The following ADH6 variants were observed in gnomAD, a reference collection of about 807,000 sequenced individuals.
ADH6 encodes alcohol dehydrogenase 6 (class V), also known as alcohol dehydrogenase 6.
In ADH6, 34 loss-of-function variants were observed where a neutral mutation model predicts 36.5. The ratio of observed to expected loss-of-function variants is 0.93; its 90% CI spans 0.71 to 1.24. The LOEUF is 1.24. ADH6 is among the 50% of genes most tolerant of loss of function. The probability of loss-of-function intolerance (pLI) is 0.00; values close to 1 mark genes in which losing one functional copy is unlikely to be tolerated. For synonymous variants in ADH6, 161 were observed against 155.5 expected, an observed-to-expected ratio of 1.04 and a Z score of -0.26; for missense variants, 440 against 447.0, an observed-to-expected ratio of 0.98 and a Z score of 0.14.
intron 3 of ADH6, among the ~76,000 whole-genome samples, chr4:99,213,290 C>T (rs1255303585): frequency 1.3e-5 from 2 of 151,984 alleles, no homozygotes; most frequent in Non-Finnish European, 2.9e-5. Context: ...TATCATATGC[C>T]TCATTTAAAT....
In ADH6 at chr4:99,202,693, A is replaced by G. The variant is rs1408097895; in HGVS notation, c.*1526T>C. 2.5e-6 allele frequency: 1 copy of G among 397,942 alleles called. No individual in the cohort carries two copies. Among genetic ancestry groups the G allele is most frequent in the Non-Finnish European group, 4.4e-6 (1 of 225,634 alleles). 24.7% of individuals were successfully genotyped at this position (397,942 alleles called of 1,614,324 possible). On this transcript the variant is annotated 3_prime_UTR_variant, in exon 9 of 9. Transcript: ENST00000394899. Reference sequence around the variant, plus strand: ...AAAGAGTGTGGACACTGTTTACAACAAAACGTTTCCGGGAAAACTTGGATT... The same window carrying G: ...AAAGAGTGTGGACACTGTTTACAACGAAACGTTTCCGGGAAAACTTGGATT...
chr4:99,205,109 A>G, intron 7 of ADH6, 46 bp from the exon 8 acceptor site: 2 of 1,518,782 alleles, frequency 1.3e-6, no homozygotes, highest in Non-Finnish European at 1.8e-6. Flanking sequence ...AGGCTTCATT[A>G]TAAAGGAAAG....
chr4:99,218,795 G>A (rs750778917), intron 1 of ADH6, among the ~76,000 whole-genome samples: 4 of 152,096 alleles, frequency 2.6e-5, no homozygotes, highest in Non-Finnish European at 4.4e-5. Context: ...TTTCCTTGAG[G>A]CTCCCATTCT....
In ADH6 at chr4:99,204,970, A is replaced by G. The variant is rs765597001; in HGVS notation, c.1058T>C (p.Leu353Pro). Residue 353 changes from leucine (L) to proline (P), a missense_variant, in exon 8 of 9, where the codon CTT becomes CCT. Transcript: ENST00000394899. ...TTCAACTGCTTCATTGATTTTATCA[A>G]GATTCAGAGTATGAGTAATTAGTGG... is the stretch of plus-strand genomic sequence containing the variant. ...LDPLITHTLN[L>P]DKINEAVELM... The G allele has an allele frequency of 1.2e-6, 2 of 1,609,748 alleles. No individual in the cohort carries two copies. Among genetic ancestry groups the G allele is most frequent in the South Asian group, 1.1e-5 (1 of 90,276 alleles).
chr4:99,210,007 A>G, intron 5 of ADH6, 75 bp downstream of exon 5: 2 of 1,460,698 alleles, frequency 1.4e-6, no homozygotes, highest in Middle Eastern at 1.7e-4. Flanking sequence ...ATGATAAGAG[A>G]TGACAAAGAT....
chr4:99,207,046 T>C (rs182676363), intron 7 of ADH6, among the ~76,000 whole-genome samples: 24 of 152,236 alleles, frequency 1.6e-4, no homozygotes, highest in Admixed American at 1.2e-3. Context: ...ACTCATTTGT[T>C]TGGGATAAGA....
At chr4:99,208,620 G>T in intron 6 of ADH6, 48 bp downstream of exon 6, 1 of 1,552,476 alleles carries the variant, frequency 6.4e-7, no homozygotes, top group African/African-American at 1.4e-5. Context: ...TAATCTAAAC[G>T]ATGACTGGTA....
intron 2 of ADH6, 108 bp downstream of exon 2, chr4:99,216,053 A>G (rs1731403037): frequency 1.9e-6 from 1 of 538,352 alleles, no homozygotes; most frequent in Admixed American, 3.7e-5. Context: ...ATGTAGTTTT[A>G]TTATTTTTTT....
intron 2 of ADH6, 33 bp from the exon 3 acceptor site, chr4:99,213,780 G>A (rs777150509): frequency 1.6e-5 from 25 of 1,527,220 alleles, no homozygotes; most frequent in Admixed American, 1.1e-4. Context: ...TGCAGTTCCC[G>A]CTGTTTCAGA....
At position 99,203,106 on chromosome 4, in the gene ADH6, AT is replaced by A; in HGVS notation, c.*1112del. 1 of 253,008 alleles carries A rather than the reference AT, an allele frequency of 4.0e-6. No homozygotes were observed. Among genetic ancestry groups the A allele is most frequent in the Non-Finnish European group, 7.5e-6 (1 of 133,644 alleles). 15.7% of individuals were successfully genotyped at this position (253,008 alleles called of 1,614,324 possible). ...TGTTTAGATCAAAAAATGATATTCC[AT>A]TTTTTGGTCTCCCAAGGTCATCCAA... On this transcript the variant is annotated 3_prime_UTR_variant, in exon 9 of 9. Transcript: ENST00000394899.
chr4:99,214,454 A>G (rs1372811606), intron 2 of ADH6, among the ~76,000 whole-genome samples: 1 of 152,246 alleles, frequency 6.6e-6, no homozygotes, highest in Non-Finnish European at 1.5e-5. Flanking sequence ...GTTTCCTATT[A>G]TAATTTAATT....
chr4:99,217,064 C>T (rs1486449357), intron 1 of ADH6, among the ~76,000 whole-genome samples: 2 of 152,074 alleles, frequency 1.3e-5, no homozygotes, highest in Non-Finnish European at 2.9e-5. Flanking sequence ...GAGATGGAGT[C>T]TCACTCTGTT....
intron 3 of ADH6, among the ~76,000 whole-genome samples, 194 bp from the exon 4 acceptor site, chr4:99,210,696 C>T (rs1050102322): frequency 5.9e-5 from 9 of 152,170 alleles, no homozygotes; most frequent in African/African-American, 2.2e-4. Context: ...CATCTGGGCC[C>T]AGCCCTGGGC....
At chr4:99,212,156 T>A (rs1579446677) in intron 3 of ADH6, among the ~76,000 whole-genome samples, 1 of 152,250 alleles carries the variant, frequency 6.6e-6, no homozygotes, top group East Asian at 1.9e-4. Flanking sequence ...TTTCTAGAAT[T>A]GAAACTGTTG....
chr4:99,210,362 C>G, intron 4 of ADH6, 53 bp downstream of exon 4: 3 of 1,596,142 alleles, frequency 1.9e-6, no homozygotes, highest in Non-Finnish European at 2.6e-6. Flanking sequence ...CTTAGATCTT[C>G]TCCAATGAAA....
At position 99,210,084 on chromosome 4, in the gene ADH6, T is replaced by C. The variant is rs770627847; in HGVS notation, c.565A>G (p.Lys189Glu). 1.2e-6 allele frequency: 2 copies of C among 1,613,410 alleles called. No individual in the cohort carries two copies. The highest frequency in any genetic ancestry group is 3.3e-5 in the Admixed American group (2 of 59,946). The change falls in exon 5 of 9, where the codon AAG becomes GAG. Residue 189 changes from lysine to glutamate, a missense_variant and splice_region_variant. By Grantham distance (56) the Lys-to-Glu change is moderately conservative (BLOSUM62 1). Coordinates refer to ENST00000394899, the MANE Select transcript of ADH6 (RefSeq NM_001102470.2). ...AAATGGGTATAAATGCCCCTCACCT[T>C]GGCAGTATTGATTGCAGCACCAAAC... is the stretch of plus-strand genomic sequence containing the variant. ...TGFGAAINTAKVTPGSTCAVF... is the reference protein window; with the variant it reads ...TGFGAAINTAEVTPGSTCAVF...
At position 99,213,612 on chromosome 4, in the gene ADH6, T is replaced by C; in HGVS notation, c.256A>G (p.Lys86Glu). The change falls in exon 3 of 9, where the codon AAA (lysine) becomes GAA (glutamate). Residue 86 changes from lysine to glutamate, a missense_variant. Lys to Glu is a moderately conservative substitution (Grantham distance 56, BLOSUM62 1). Transcript: ENST00000394899. ...ACCAGGTGCTAATTCCTACCTGGTT[T>C]CACTGTGCTTACTCCTTCTCCAATA... is the stretch of plus-strand genomic sequence containing the variant. The part of the protein sequence containing the change: ...ESIGEGVSTV[K>E]PGDKVITLFL... The C allele has an allele frequency of 6.2e-7, 1 of 1,603,466 alleles. No homozygotes were observed. The highest frequency in any genetic ancestry group is 8.5e-7 in the Non-Finnish European group (1 of 1,176,968).
In ADH6 at chr4:99,208,828, A is replaced by C. The variant is rs750137720; in HGVS notation, c.668T>G (p.Val223Gly). 1 of 1,613,516 alleles carries C rather than the reference A, an allele frequency of 6.2e-7. No individual in the cohort carries two copies. Among genetic ancestry groups the C allele is most frequent in the Non-Finnish European group, 8.5e-7 (1 of 1,179,772 alleles). ...CTTAAATTTCTCCTTGTTGACATCC[A>C]CTCCAATGATCCTGGCTGCTCCTGC... is the stretch of plus-strand genomic sequence containing the variant. ...KAAGAARIIG[V>G]DVNKEKFKKA... is the part of the protein sequence containing the mutation. The change falls in exon 6 of 9, where the codon GTG becomes GGG. Residue 223 changes from valine to glycine, a missense_variant. Physicochemically the swap from Val to Gly is moderately radical, Grantham distance 109. Transcript: ENST00000394899.
At chr4:99,204,547 C>G in intron 8 of ADH6, 1 of 1,221,204 alleles carries the variant, frequency 8.2e-7, no homozygotes, top group South Asian at 2.8e-5. Context: ...TTCCTCTTCT[C>G]CCCCAAAGTA....
Sources: gnomAD v4.1 joint callset for allele counts (sites outside exome capture counted in the v4.1 genomes callset) on GRCh38, gnomAD v4.1.1 for gene constraint, MANE v1.5 for transcripts, NCBI Gene and HGNC (gene_info 2026-07-23, HGNC 2026-07-21) for gene names.